The following COL25A1 variants were observed in gnomAD, a reference collection of about 807,000 sequenced individuals.
The protein encoded by COL25A1 is collagen type XXV alpha 1 chain.
In COL25A1, 103 loss-of-function variants were observed where a neutral mutation model predicts 128.4. The observed-to-expected ratio is 0.80, with a 90% CI of 0.68 to 0.94. COL25A1 has a LOEUF of 0.94. COL25A1 is among the 40% of genes least tolerant of loss of function. The pLI is 0.00. For synonymous variants in COL25A1, 279 were observed against 277.2 expected (o/e 1.01, Z -0.06); for missense variants, 745 against 840.0 (o/e 0.89, Z 1.40).
At chr4:109,028,115 C>CATTT (rs1758484080) in intron 5 of COL25A1, among the ~76,000 whole-genome samples, 1 of 152,052 alleles carries the variant, frequency 6.6e-6, no homozygotes, top group Non-Finnish European at 1.5e-5. Context: ...TTTCAAAATT[C>CATTT]ATTTATTTAT....
intron 24 of COL25A1, among the ~76,000 whole-genome samples, chr4:108,853,757 A>G (rs893596076): frequency 6.6e-6 from 1 of 151,990 alleles, no homozygotes; most frequent in African/African-American, 2.4e-5. Flanking sequence ...ATGAGTGAGA[A>G]TATGTGGTGT....
At chr4:109,146,865 A>G (rs2526443) in intron 3 of COL25A1, among the ~76,000 whole-genome samples, 95,939 of 152,112 alleles carry the variant, frequency 0.63, 30,756 homozygotes, top group East Asian at 0.75. Context: ...AGAATGTTGC[A>G]TCAGTGTGTT....
At chr4:109,135,635 T>C (rs1463060689) in intron 3 of COL25A1, among the ~76,000 whole-genome samples, 1 of 136,610 alleles carries the variant, frequency 7.3e-6, no homozygotes, top group Non-Finnish European at 1.5e-5. Flanking sequence ...AATTGAAGCT[T>C]CACTTAAATG....
At position 109,195,624 on chromosome 4, in the gene COL25A1, G is replaced by A. The variant is rs182523112; in HGVS notation, c.367+104959C>T. ...TCAACTTCTCATTACTAGACTCACCGAAGTAAAGTCCACAACTCAGCCCTA... is the reference window on the plus strand; with the variant it reads ...TCAACTTCTCATTACTAGACTCACCAAAGTAAAGTCCACAACTCAGCCCTA... On this transcript the variant is annotated intron_variant, in intron 3 of 37. Coordinates refer to ENST00000399132, the MANE Select transcript of COL25A1 (RefSeq NM_198721.4). Among the ~76,000 whole-genome samples the A allele has an allele frequency of 1.1e-3, 163 of 152,148 alleles. 1 individual carries two copies. Among genetic ancestry groups the A allele is most frequent in the African/African-American group, 3.7e-3 (153 of 41,522 alleles).
At chr4:109,136,447 A>G (rs1472738532) in intron 3 of COL25A1, among the ~76,000 whole-genome samples, 1 of 152,238 alleles carries the variant, frequency 6.6e-6, no homozygotes, top group Admixed American at 6.5e-5. Context: ...GCTATAATTG[A>G]AGAAAGAGCA....
intron 3 of COL25A1, among the ~76,000 whole-genome samples, chr4:109,256,962 A>G (rs1261333040): frequency 1.3e-5 from 2 of 152,190 alleles, no homozygotes; most frequent in African/African-American, 2.4e-5. Flanking sequence ...CACACTGACA[A>G]GTTCCCCTTA....
At chr4:109,204,815 C>G (rs1156793163) in intron 3 of COL25A1, among the ~76,000 whole-genome samples, 1 of 152,012 alleles carries the variant, frequency 6.6e-6, no homozygotes, top group African/African-American at 2.4e-5. Flanking sequence ...ACCCGGGACC[C>G]CAAAAATTAT....
intron 5 of COL25A1, among the ~76,000 whole-genome samples, chr4:109,020,259 A>G (rs902385000): frequency 2.0e-5 from 3 of 152,208 alleles, no homozygotes; most frequent in Non-Finnish European, 4.4e-5. Context: ...CTGTTGTGCT[A>G]TCCTACAGGA....
intron 5 of COL25A1, among the ~76,000 whole-genome samples, chr4:109,026,774 G>A (rs1408953011): frequency 6.6e-6 from 1 of 152,162 alleles, no homozygotes; most frequent in Non-Finnish European, 1.5e-5. Context: ...CAAACGGACA[G>A]GACATAGAGA....
At chr4:108,828,168 T>C (rs1315586297) in intron 32 of COL25A1, among the ~76,000 whole-genome samples, 1 of 152,142 alleles carries the variant, frequency 6.6e-6, no homozygotes, top group Non-Finnish European at 1.5e-5. Flanking sequence ...TGAGACAGAG[T>C]CTTGCTCTGT....
chr4:108,951,734 TATGTG>T (rs1749463710), intron 8 of COL25A1, among the ~76,000 whole-genome samples: 1 of 152,186 alleles, frequency 6.6e-6, no homozygotes, highest in African/African-American at 2.4e-5. Flanking sequence ...GCAGGAAACT[TATGTG>T]ATGGCAAAAA....
At chr4:108,914,362 CAG>C (rs1320708967) in intron 13 of COL25A1, among the ~76,000 whole-genome samples, 5 of 152,162 alleles carry the variant, frequency 3.3e-5, no homozygotes, top group Non-Finnish European at 7.3e-5. Context: ...TGAAAGAGCA[CAG>C]AGTGTTCTGA....
chr4:109,028,732 A>T (rs1758554998), intron 5 of COL25A1, among the ~76,000 whole-genome samples: 1 of 151,930 alleles, frequency 6.6e-6, no homozygotes, highest in African/African-American at 2.4e-5. Flanking sequence ...CTCAAAAAAA[A>T]GAAAAAAAGA....
intron 37 of COL25A1, among the ~76,000 whole-genome samples, chr4:108,816,944 T>A (rs1040442870): frequency 6.6e-6 from 1 of 152,198 alleles, no homozygotes; most frequent in Non-Finnish European, 1.5e-5. Context: ...CAGTTTTTCC[T>A]ACATAAGTCA....
At chr4:109,065,545 C>CGCGTGTGTGT (rs771855567) in intron 3 of COL25A1, among the ~76,000 whole-genome samples, 5 of 141,192 alleles carry the variant, frequency 3.5e-5, no homozygotes, top group African/African-American at 5.3e-5. Flanking sequence ...CGCGCGCGCG[C>CGCGTGTGTGT]GTGTGTGTGT....
At chr4:109,099,831 G>A (rs531899521) in intron 3 of COL25A1, among the ~76,000 whole-genome samples, 42 of 152,038 alleles carry the variant, frequency 2.8e-4, no homozygotes, top group African/African-American at 1.0e-3. Flanking sequence ...AGAAACACAC[G>A]AAAAAGGCCA....
intron 3 of COL25A1, among the ~76,000 whole-genome samples, chr4:109,170,273 A>G (rs1773465958): frequency 6.6e-6 from 1 of 152,132 alleles, no homozygotes; most frequent in Non-Finnish European, 1.5e-5. Context: ...TTTATATGCT[A>G]AAAAAGTATA....
chr4:109,180,068 T>C (rs1276767285), intron 3 of COL25A1, among the ~76,000 whole-genome samples: 3 of 152,210 alleles, frequency 2.0e-5, no homozygotes, highest in East Asian at 3.8e-4. Flanking sequence ...AAAATGGAAA[T>C]ACGTCTGGTT....
At chr4:108,885,111 T>C (rs1490493917) in intron 18 of COL25A1, among the ~76,000 whole-genome samples, 2 of 152,172 alleles carry the variant, frequency 1.3e-5, no homozygotes, top group African/African-American at 4.8e-5. Context: ...GTGATACTAC[T>C]TCGTGATGGC....
Sources: allele counts gnomAD v4.1 joint callset (sites outside exome capture counted in the v4.1 genomes callset), GRCh38; gene constraint gnomAD v4.1.1; transcripts MANE v1.5; gene names NCBI Gene and HGNC (gene_info 2026-07-23, HGNC 2026-07-21).